SGCZ: variants seen among roughly 807,000 people sequenced by gnomAD.
SGCZ encodes the protein sarcoglycan zeta.
SGCZ carries 40 observed loss-of-function variants against 41.3 expected under a neutral mutation model. That is an observed-to-expected ratio of 0.97 (90% CI 0.75 to 1.26). The LOEUF is 1.26. SGCZ is among the 50% of genes most tolerant of loss of function. The pLI is 0.00. For synonymous variants in SGCZ, 206 were observed against 137.5 expected (o/e 1.50, Z -3.49); for missense variants, 552 against 369.8 (o/e 1.49, Z -4.04).
intron 1 of SGCZ, among the ~76,000 whole-genome samples, chr8:15,155,410 T>C (rs1563155010): frequency 6.6e-6 from 1 of 152,264 alleles, no homozygotes; most frequent in Non-Finnish European, 1.5e-5. Context: ...CCCATAAATA[T>C]GTATGATTAT....
intron 1 of SGCZ, among the ~76,000 whole-genome samples, chr8:15,201,797 T>G (rs1435302819): frequency 6.6e-6 from 1 of 152,192 alleles, no homozygotes; most frequent in Non-Finnish European, 1.5e-5. Context: ...GATACAGATA[T>G]GTGGAGCATT....
At chr8:14,127,016 A>C (rs1352407520) in intron 5 of SGCZ, among the ~76,000 whole-genome samples, 1 of 152,062 alleles carries the variant, frequency 6.6e-6, no homozygotes, top group East Asian at 1.9e-4. Context: ...ACAAATACCT[A>C]ATGCATGTGT....
In SGCZ at chr8:14,857,349, C is replaced by G. The variant is rs936135708; in HGVS notation, c.40-302423G>C. ...TTATAGCAGTGAAAAAACGAATACA[C>G]TAGATAATGAGATTACAGATGAGAG... is the stretch of plus-strand genomic sequence containing the variant. On this transcript the variant is annotated intron_variant, in intron 1 of 7. Transcript: ENST00000382080. 5.9e-5 allele frequency among the ~76,000 whole-genome samples: 9 copies of G among 152,088 alleles called. No homozygotes were observed. The East Asian group carries it at 1.7e-3, about 29-fold the overall frequency.
intron 1 of SGCZ, among the ~76,000 whole-genome samples, chr8:14,956,739 G>C (rs947543867): frequency 6.6e-6 from 1 of 152,186 alleles, no homozygotes; most frequent in African/African-American, 2.4e-5. Flanking sequence ...GGTCAGATTT[G>C]TTGTTTGTAA....
chr8:14,204,117 C>T (rs566427297), intron 4 of SGCZ, among the ~76,000 whole-genome samples: 54 of 152,064 alleles, frequency 3.6e-4, no homozygotes, highest in African/African-American at 1.1e-3. Context: ...GGATTGGTTT[C>T]GGACCGTCTT....
At chr8:14,600,321 CTGAT>C (rs1207760540) in intron 1 of SGCZ, among the ~76,000 whole-genome samples, 2 of 152,170 alleles carry the variant, frequency 1.3e-5, no homozygotes, top group African/African-American at 4.8e-5. Flanking sequence ...CATCTATATA[CTGAT>C]GACTCAGAAG....
chr8:14,867,616 A>AT (rs568871102), intron 1 of SGCZ, among the ~76,000 whole-genome samples: 11 of 152,184 alleles, frequency 7.2e-5, no homozygotes, highest in African/African-American at 2.6e-4. Flanking sequence ...AGCATCTGTT[A>AT]TTTTTTGACT....
At chr8:15,090,717 G>C (rs1806125506) in intron 1 of SGCZ, among the ~76,000 whole-genome samples, 1 of 152,144 alleles carries the variant, frequency 6.6e-6, no homozygotes, top group Non-Finnish European at 1.5e-5. Flanking sequence ...CAAATAGATG[G>C]TTAATGATGT....
chr8:14,242,727 C>G (rs1286326472), intron 3 of SGCZ, among the ~76,000 whole-genome samples: 2 of 152,082 alleles, frequency 1.3e-5, no homozygotes, highest in Admixed American at 1.3e-4. Flanking sequence ...TAAGTCACTT[C>G]CTTCAAATGA....
intron 1 of SGCZ, among the ~76,000 whole-genome samples, chr8:15,118,955 A>ACAT (rs2116946076): frequency 6.6e-6 from 1 of 152,326 alleles, no homozygotes; most frequent in South Asian, 2.1e-4. Context: ...CTTACTCTCG[A>ACAT]CATAGGTTTT....
chr8:14,367,915 C>A (rs999072512), intron 2 of SGCZ, among the ~76,000 whole-genome samples: 4 of 152,006 alleles, frequency 2.6e-5, no homozygotes, highest in Non-Finnish European at 5.9e-5. Context: ...AGTCTGATCT[C>A]TAACTACAAT....
intron 1 of SGCZ, among the ~76,000 whole-genome samples, chr8:15,055,042 C>T (rs1442608314): frequency 6.6e-6 from 1 of 151,902 alleles, no homozygotes; most frequent in Non-Finnish European, 1.5e-5. Context: ...TCTCTTACAC[C>T]TCCTAAGTAG....
intron 2 of SGCZ, among the ~76,000 whole-genome samples, chr8:14,514,317 C>T (rs1053690985): frequency 6.6e-6 from 1 of 151,976 alleles, no homozygotes; most frequent in Non-Finnish European, 1.5e-5. Context: ...TATAAATAGG[C>T]TTATTTTTGA....
chr8:14,246,479 G>A (rs1011443064), intron 3 of SGCZ, among the ~76,000 whole-genome samples: 2 of 151,822 alleles, frequency 1.3e-5, no homozygotes, highest in African/African-American at 2.4e-5. Context: ...ATAGCATTAG[G>A]AGATATACCT....
At chr8:14,570,526 A>G (rs1043218801) in intron 1 of SGCZ, among the ~76,000 whole-genome samples, 4 of 152,226 alleles carry the variant, frequency 2.6e-5, no homozygotes, top group African/African-American at 9.6e-5. Flanking sequence ...CAGCTTATCT[A>G]AGATATAAAT....
chr8:15,075,360 T>C (rs2131034620), intron 1 of SGCZ, among the ~76,000 whole-genome samples: 1 of 152,322 alleles, frequency 6.6e-6, no homozygotes, highest in Middle Eastern at 3.4e-3. Flanking sequence ...GCATTCATTT[T>C]TAAAATGCCC....
At chr8:14,121,882 A>T (rs1022994739) in intron 5 of SGCZ, among the ~76,000 whole-genome samples, 2 of 152,170 alleles carry the variant, frequency 1.3e-5, no homozygotes, top group East Asian at 1.9e-4. Context: ...TTTTTTAAAA[A>T]TTTTTTATTA....
At chr8:14,650,563 G>A (rs1807364769) in intron 1 of SGCZ, among the ~76,000 whole-genome samples, 1 of 151,692 alleles carries the variant, frequency 6.6e-6, no homozygotes, top group Non-Finnish European at 1.5e-5. Context: ...GTGTCCACGT[G>A]TCCTCATCAT....
intron 4 of SGCZ, among the ~76,000 whole-genome samples, chr8:14,178,513 C>T (rs1005984170): frequency 6.6e-6 from 1 of 152,196 alleles, no homozygotes; most frequent in African/African-American, 2.4e-5. Flanking sequence ...GATGCTTTCT[C>T]ATGACTAGAG....
Sources: gnomAD v4.1 joint callset for allele counts (sites outside exome capture counted in the v4.1 genomes callset) on GRCh38, gnomAD v4.1.1 for gene constraint, MANE v1.5 for transcripts, NCBI Gene and HGNC (gene_info 2026-07-23, HGNC 2026-07-21) for gene names.